The following DNM1L variants were observed in gnomAD, a reference collection of about 807,000 sequenced individuals.
The protein encoded by DNM1L is dynamin-1-like protein.
Under a neutral mutation model 92.8 loss-of-function variants are expected in DNM1L, and 33 were observed. The ratio of observed to expected loss-of-function variants is 0.36; its 90% CI spans 0.27 to 0.48. The LOEUF is 0.48. Ranked by LOEUF, DNM1L falls within the 20% of genes least tolerant of loss-of-function variation. The probability of loss-of-function intolerance (pLI) is 0.99; values close to 1 mark genes in which losing one functional copy is unlikely to be tolerated. For missense variants in DNM1L, 485 were observed against 888.8 expected (o/e 0.55, Z 5.78); for synonymous variants, 284 against 305.0 (o/e 0.93, Z 0.72).
intron 9 of DNM1L, among the ~76,000 whole-genome samples, chr12:32,726,166 A>G (rs1227891112): frequency 6.6e-6 from 1 of 152,194 alleles, no homozygotes; most frequent in African/African-American, 2.4e-5. Flanking sequence ...GCGAATGAAC[A>G]TGTGTGACAG....
At chr12:32,702,477 CTG>C (rs1952753778) in intron 2 of DNM1L, among the ~76,000 whole-genome samples, 1 of 152,102 alleles carries the variant, frequency 6.6e-6, no homozygotes, top group African/African-American at 2.4e-5. Context: ...TTATAGAACT[CTG>C]TAACATAGCT....
intron 1 of DNM1L, among the ~76,000 whole-genome samples, chr12:32,683,764 C>T (rs894239595): frequency 2.0e-5 from 3 of 151,116 alleles, no homozygotes; most frequent in Non-Finnish European, 4.4e-5. Context: ...AGGCTGGTCT[C>T]GAACTCCTGA....
intron 1 of DNM1L, among the ~76,000 whole-genome samples, chr12:32,691,288 G>C (rs1282947974): frequency 6.6e-6 from 1 of 152,126 alleles, no homozygotes; most frequent in African/African-American, 2.4e-5. Flanking sequence ...CGCCAGGCTG[G>C]AGTGCAGAGG....
chr12:32,740,540 T>C (rs576245197), intron 18 of DNM1L, 22 bp downstream of exon 18: 1 of 1,568,876 alleles, frequency 6.4e-7, no homozygotes, highest in African/African-American at 1.4e-5. Flanking sequence ...TTAATATAAA[T>C]GACGGACTTT....
intron 17 of DNM1L, 61 bp downstream of exon 17, chr12:32,740,301 T>A (rs1262670475): frequency 1.2e-6 from 2 of 1,612,728 alleles, no homozygotes; most frequent in African/African-American, 2.7e-5. Context: ...AGGAAAACGA[T>A]TAGACAGAAA....
chr12:32,709,555 T>C (rs527924511), intron 4 of DNM1L: 1 of 152,346 alleles, frequency 6.6e-6, no homozygotes, highest in South Asian at 2.1e-4. Context: ...GTCTAAAAGA[T>C]GAAAAGTCCC....
rs1204880343 is a variant in DNM1L, at chr12:32,731,292, T to A, written c.1201-64T>A. 5 of 1,607,340 alleles carry A rather than the reference T, an allele frequency of 3.1e-6. No homozygotes were observed. The highest frequency in any genetic ancestry group is 4.2e-6 in the Non-Finnish European group (5 of 1,176,644). ...ATGAAAAGTACCAAAAATGTGACTT[T>A]CTTAACCCTTGGGAAGAACTGAAAT... On this transcript the variant is annotated intron_variant, in intron 10 of 19. Coordinates refer to ENST00000549701, the MANE Select transcript of DNM1L (RefSeq NM_012062.5). The surrounding 1 kb of genome is among the most constrained non-coding windows in gnomAD (Gnocchi z 5.1).
chr12:32,707,694 A>G (rs1464097414), intron 3 of DNM1L, among the ~76,000 whole-genome samples: 1 of 152,186 alleles, frequency 6.6e-6, no homozygotes, highest in East Asian at 1.9e-4. Flanking sequence ...TAATGCAAGT[A>G]ATCCCAGTAC....
intron 9 of DNM1L, among the ~76,000 whole-genome samples, chr12:32,729,952 C>T (rs1954437985): frequency 6.6e-6 from 1 of 151,954 alleles, no homozygotes; most frequent in Non-Finnish European, 1.5e-5. Flanking sequence ...TTTGGGGAGG[C>T]ATTATAAAGG....
At chr12:32,688,371 C>CT (rs1565488829) in intron 1 of DNM1L, among the ~76,000 whole-genome samples, 1 of 152,110 alleles carries the variant, frequency 6.6e-6, no homozygotes, top group Non-Finnish European at 1.5e-5. Context: ...GAGGTTTTTT[C>CT]TTTTAGCACT....
chr12:32,713,607 A>G (rs572970478), intron 6 of DNM1L, among the ~76,000 whole-genome samples: 2 of 152,312 alleles, frequency 1.3e-5, no homozygotes, highest in East Asian at 1.9e-4. Context: ...GTTACCTAAT[A>G]ATTTAAAAAT....
At chr12:32,724,590 AAAAATATAT>A (rs1427152984) in intron 9 of DNM1L, among the ~76,000 whole-genome samples, 1,699 of 57,968 alleles carry the variant, frequency 0.029, 9 homozygotes, top group Non-Finnish European at 0.037. Flanking sequence ...AAAAAAAAAA[AAAAATATAT>A]ATATATATAT....
intron 13 of DNM1L, among the ~76,000 whole-genome samples, chr12:32,734,085 A>T (rs865818675): frequency 4.6e-5 from 7 of 152,342 alleles, no homozygotes; most frequent in Middle Eastern, 3.4e-3. Flanking sequence ...CTTATAGTTT[A>T]TACAGGGGAA....
rs1335299603 is a variant in DNM1L, at chr12:32,679,312, C to T, written c.-52C>T. 2.3e-6 allele frequency: 3 copies of T among 1,278,228 alleles called. No homozygotes were observed. Among genetic ancestry groups the T allele is most frequent in the Non-Finnish European group, 3.4e-6 (3 of 882,428 alleles). The allele number at this position is 1,278,228 out of a possible 1,614,324, so 79.2% of individuals were successfully genotyped here. A position where few individuals can be genotyped will look rare whatever the true frequency, so the allele number is the denominator to read the frequency against. ...GAAGGAGGCGAACTGTGGGCCCCGG[C>T]CCCATTCATTGCCGTGGCCGGCGGG... On this transcript the variant is annotated 5_prime_UTR_variant, in exon 1 of 20. Coordinates refer to ENST00000549701, the MANE Select transcript of DNM1L (RefSeq NM_012062.5).
rs778755357 is a variant in DNM1L at position 32,737,956 on chromosome 12, C to A, written c.1674+14C>A. The A allele has an allele frequency of 1.5e-5, 24 of 1,612,932 alleles. No individual in the cohort carries two copies. Among genetic ancestry groups the A allele is most frequent in the African/African-American group, 2.7e-5 (2 of 74,906 alleles). On this transcript the variant is annotated intron_variant, in intron 15 of 19. Transcript: ENST00000549701. The stretch of plus-strand genomic sequence containing the variant: ...GCTGATGGCAAGGTCTGTTCTGATT[C>A]TTAATCTAAGCCTGCATGCCTTGTT...
intron 2 of DNM1L, chr12:32,705,935 G>C: frequency 7.4e-7 from 1 of 1,359,898 alleles, no homozygotes; most frequent in Non-Finnish European, 1.0e-6. Context: ...TACTATTACA[G>C]GCTGTGTGTA....
chr12:32,697,727 A>G (rs1327428160), intron 1 of DNM1L, among the ~76,000 whole-genome samples: 3 of 108,992 alleles, frequency 2.8e-5, no homozygotes, highest in Non-Finnish European at 6.0e-5. Context: ...GTTTCAACTC[A>G]AGGAGCTTTT....
At chr12:32,680,046 A>G in intron 1 of DNM1L, 1 of 975,354 alleles carries the variant, frequency 1.0e-6, no homozygotes, top group Non-Finnish European at 1.2e-6. Flanking sequence ...AGAACGCCGA[A>G]GCAGCATTTT....
At chr12:32,709,271 T>C (rs1376391094) in intron 4 of DNM1L, among the ~76,000 whole-genome samples, 1 of 152,176 alleles carries the variant, frequency 6.6e-6, no homozygotes, top group Non-Finnish European at 1.5e-5. Flanking sequence ...CTTATCGTCA[T>C]TCCTCTAATT....
Sources: allele counts gnomAD v4.1 joint callset (sites outside exome capture counted in the v4.1 genomes callset), GRCh38; gene constraint gnomAD v4.1.1; non-coding constraint Gnocchi (gnomAD v3.1); transcripts MANE v1.5; gene names NCBI Gene and HGNC (gene_info 2026-07-23, HGNC 2026-07-21).